The following CLSTN3 variants were observed in gnomAD, a reference collection of about 807,000 sequenced individuals.
CLSTN3 encodes the protein calsyntenin 3.
CLSTN3 carries 36 observed loss-of-function variants against 95.9 expected under a neutral mutation model. The observed-to-expected ratio is 0.38, with a 90% confidence interval of 0.29 to 0.50. The LOEUF (loss-of-function observed/expected upper bound fraction) is 0.50, where lower values mean the gene tolerates loss of function less well. CLSTN3 is among the 20% of genes least tolerant of loss of function. CLSTN3 has a pLI of 0.95. For missense variants in CLSTN3, 1,084 were observed against 1,268.8 expected (o/e 0.85, Z 2.21); for synonymous variants, 481 against 504.0 (o/e 0.95, Z 0.61).
At chr12:7,138,942 A>G (rs1338634784) in intron 8 of CLSTN3, 1 of 150,750 alleles carries the variant, frequency 6.6e-6, no homozygotes, top group Non-Finnish European at 1.5e-5. Flanking sequence ...TGTCTGTGGC[A>G]CTCTTTTAAA....
At chr12:7,138,612 CT>C (rs1939472624) in intron 8 of CLSTN3, 1 of 152,188 alleles carries the variant, frequency 6.6e-6, no homozygotes, top group Admixed American at 6.5e-5. Flanking sequence ...AAAGCACTCC[CT>C]CTGTATATGT....
intron 8 of CLSTN3, among the ~76,000 whole-genome samples, chr12:7,138,418 C>T (rs747066222): frequency 6.6e-6 from 1 of 152,236 alleles, no homozygotes; most frequent in African/African-American, 2.4e-5. Flanking sequence ...GTAATCAAGA[C>T]AATAAGTCAT....
rs1276019474 is a variant in CLSTN3, at chr12:7,157,940, G to T, written c.2731-1G>T. The T allele has an allele frequency of 6.4e-7, 1 of 1,550,902 alleles. No homozygotes were observed. Among genetic ancestry groups the T allele is most frequent in the South Asian group, 1.2e-5 (1 of 84,054 alleles). ...TTCTCCTCTCTGTTCCTGCCCTCCA[G>T]TCCTACCAGAATCGGCAGTCCTGTG... On this transcript the variant is annotated splice_acceptor_variant, in intron 17 of 17. Coordinates refer to ENST00000266546, the MANE Select transcript of CLSTN3 (RefSeq NM_014718.4). LOFTEE classifies it high-confidence loss of function. This position sits in a 1 kb window ranked among gnomAD's most constrained non-coding sequence, Gnocchi z 5.9.
chr12:7,139,723 A>T (rs1304490250), intron 8 of CLSTN3, among the ~76,000 whole-genome samples: 3 of 151,686 alleles, frequency 2.0e-5, no homozygotes, highest in Non-Finnish European at 2.9e-5. Flanking sequence ...ATCTTGGCTC[A>T]CTGCAACCTC....
At chr12:7,145,426 C>T (rs868773521) in intron 12 of CLSTN3, among the ~76,000 whole-genome samples, 4 of 152,046 alleles carry the variant, frequency 2.6e-5, no homozygotes, top group African/African-American at 4.8e-5. Flanking sequence ...CAATACCTCC[C>T]TTTCCCTGAT....
intron 16 of CLSTN3, among the ~76,000 whole-genome samples, chr12:7,152,649 AATAATT>A (rs1246088273): frequency 1.3e-5 from 2 of 152,306 alleles, no homozygotes; most frequent in East Asian, 3.9e-4. Context: ...GATGGGTAAT[AATAATT>A]ATAACAAACA....
intron 9 of CLSTN3, 43 bp from the exon 10 acceptor site, chr12:7,142,043 C>T (rs1031430407): frequency 6.8e-7 from 1 of 1,464,504 alleles, no homozygotes; most frequent in African/African-American, 1.4e-5. Flanking sequence ...TCTCCACATC[C>T]CTGAGCTCAC....
intron 5 of CLSTN3, 109 bp downstream of exon 5, chr12:7,136,062 G>T: frequency 7.3e-6 from 11 of 1,500,140 alleles, no homozygotes; most frequent in Non-Finnish European, 9.0e-6. Context: ...GATGATATTG[G>T]GGCAGGCTTG....
intron 16 of CLSTN3, chr12:7,156,724 A>G (rs1939823547): frequency 4.4e-6 from 2 of 456,750 alleles, no homozygotes; most frequent in Non-Finnish European, 8.8e-6. Context: ...GAGTGAACGC[A>G]CCGTTCTGTG....
rs1300866657 is a variant in CLSTN3, at chr12:7,142,924, G to A, written c.1596G>A (p.Val532=). Residue 532 remains valine (V), a synonymous_variant, in exon 11 of 18, where the codon GTG becomes GTA. Transcript: ENST00000266546. The part of the protein sequence containing the change: ...YFHGYLAGFS[V]RSGRLESREV... ...ATGGCTACCTGGCTGGTTTCAGCGTGCGCTCAGGTCGCCTGGAGAGCCGCG... is the reference window on the plus strand; with the variant it reads ...ATGGCTACCTGGCTGGTTTCAGCGTACGCTCAGGTCGCCTGGAGAGCCGCG... 1.9e-6 allele frequency: 3 copies of A among 1,614,096 alleles called. No individual in the cohort carries two copies. In the Admixed American group the frequency reaches 5.0e-5, roughly 27 times the overall value.
intron 4 of CLSTN3, 57 bp from the exon 5 acceptor site, chr12:7,135,747 C>G (rs959933439): frequency 1.4e-5 from 22 of 1,545,206 alleles, no homozygotes; most frequent in Non-Finnish European, 1.8e-5. Context: ...ATCCTCCCCT[C>G]CCTGCCCTGG....
intron 16 of CLSTN3, chr12:7,156,015 CAT>C (rs1318039448): frequency 2.6e-5 from 9 of 352,398 alleles, no homozygotes; most frequent in East Asian, 7.6e-5. Context: ...TCTGTTGACA[CAT>C]GAGTCTCAGG....
rs756157048 is a variant in CLSTN3, at chr12:7,142,882, G to C, written c.1554G>C (p.Ser518=). ...STDTTQGDPL[S]IHHYFHGYLA... is the part of the protein sequence containing the mutation. ...TTCCTACCCTAGGAGACCCTTTGTC[G>C]ATCCACCACTACTTCCATGGCTACC... The change falls in exon 11 of 18, where the codon TCG becomes TCC. Residue 518 remains serine, a synonymous_variant. Transcript: ENST00000266546. 3.5e-5 allele frequency: 56 copies of C among 1,613,268 alleles called. No homozygotes were observed. Among genetic ancestry groups the C allele is most frequent in the Admixed American group, 3.0e-4 (18 of 59,936 alleles).
chr12:7,143,899 T>TAC, intron 12 of CLSTN3, among the ~76,000 whole-genome samples: 1 of 152,250 alleles, frequency 6.6e-6, no homozygotes, highest in Admixed American at 6.5e-5. Context: ...GGGACAAAGA[T>TAC]CATATGGCCC....
chr12:7,136,494 G>C lies in CLSTN3; in HGVS notation c.928+103G>C, dbSNP rs1939424254. 6 of 1,149,328 alleles carry C rather than the reference G, an allele frequency of 5.2e-6. No homozygotes were observed. In the South Asian group the frequency reaches 9.5e-5, roughly 18 times the overall value. 71.2% of individuals were successfully genotyped at this position (1,149,328 alleles called of 1,614,324 possible). ...TTACATCACCACTGGCCATCCACAGGTGTTTATCCATAGAGGTTGTGACAC... is the reference window on the plus strand; with the variant it reads ...TTACATCACCACTGGCCATCCACAGCTGTTTATCCATAGAGGTTGTGACAC... On this transcript the variant is annotated intron_variant, in intron 6 of 17. Coordinates refer to ENST00000266546, the MANE Select transcript of CLSTN3 (RefSeq NM_014718.4).
At chr12:7,142,778 TCTTTCTCTCCTTTCC>T (rs1227247974) in intron 10 of CLSTN3, 76 bp from the exon 11 acceptor site, 2 of 1,089,300 alleles carry the variant, frequency 1.8e-6, no homozygotes, top group Non-Finnish European at 2.7e-6. Context: ...ACTCTTCTGC[TCTTTCTCTCCTTTCC>T]CTTTCTCTCA....
Position 7,149,675 on chromosome 12 carries a change from G to A in CLSTN3, c.2227G>A (p.Ala743Thr). ...GGGGCTGGAGCTCACCAACACATCT[G>A]CCTACCTCACTATTGCTGGTCAGTG... ...QRGLELTNTS[A>T]YLTIAGVESI... The change falls in exon 14 of 18, where the codon GCC becomes ACC. Residue 743 changes from alanine to threonine, a missense_variant. Physicochemically the swap from Ala to Thr is moderately conservative, Grantham distance 58. Transcript: ENST00000266546. This position sits in a 1 kb window ranked among gnomAD's most constrained non-coding sequence, Gnocchi z 4.5. The A allele has an allele frequency of 6.2e-7, 1 of 1,613,912 alleles. No individual in the cohort carries two copies. The highest frequency in any genetic ancestry group is 8.5e-7 in the Non-Finnish European group (1 of 1,179,846).
chr12:7,156,978 C>T, intron 16 of CLSTN3: 1 of 368,132 alleles, frequency 2.7e-6, no homozygotes. Context: ...TGTCCCCAGC[C>T]TCAGGTGCTA....
intron 16 of CLSTN3, chr12:7,156,578 A>C (rs1313230595): frequency 8.8e-6 from 4 of 456,714 alleles, no homozygotes; most frequent in South Asian, 4.6e-5. Context: ...GTGGGCCAGC[A>C]TGCAGGCTGG....
Sources: gnomAD v4.1 joint callset for allele counts (sites outside exome capture counted in the v4.1 genomes callset) on GRCh38, gnomAD v4.1.1 for gene constraint, Gnocchi (gnomAD v3.1) non-coding constraint, MANE v1.5 for transcripts, NCBI Gene and HGNC (gene_info 2026-07-23, HGNC 2026-07-21) for gene names.